Variants in MACROD2 observed in about 807,000 individuals in gnomAD.
The protein encoded by MACROD2 is ADP-ribose glycohydrolase MACROD2.
MACROD2 carries 36 observed loss-of-function variants against 70.4 expected under a neutral mutation model. The ratio of observed to expected loss-of-function variants is 0.51; its 90% confidence interval spans 0.39 to 0.68. MACROD2 has a LOEUF of 0.68. Ranked by LOEUF, MACROD2 falls within the 30% of genes least tolerant of loss-of-function variation. The pLI is 0.00. For missense variants in MACROD2, 496 were observed against 538.4 expected (o/e 0.92, Z 0.78); for synonymous variants, 172 against 178.8 (o/e 0.96, Z 0.30).
chr20:14,517,184 C>G (rs1301468734), intron 4 of MACROD2, among the ~76,000 whole-genome samples: 1 of 152,188 alleles, frequency 6.6e-6, no homozygotes, highest in South Asian at 2.1e-4. Context: ...AATCCCATTA[C>G]TGGGTATATA....
intron 6 of MACROD2, among the ~76,000 whole-genome samples, chr20:15,421,994 G>T (rs923169173): frequency 6.6e-6 from 1 of 152,228 alleles, no homozygotes; most frequent in Admixed American, 6.5e-5. Context: ...TTGGGAAATG[G>T]AGTATGCCAG....
intron 4 of MACROD2, among the ~76,000 whole-genome samples, chr20:14,542,099 T>C (rs889760080): frequency 2.6e-5 from 4 of 152,276 alleles, no homozygotes; most frequent in Non-Finnish European, 4.4e-5. Flanking sequence ...GAACGTCTGC[T>C]GACGCGAGAC....
chr20:15,511,677 G>C (rs1233765), intron 8 of MACROD2, among the ~76,000 whole-genome samples: 106,155 of 152,116 alleles, frequency 0.7, 37,122 homozygotes, highest in East Asian at 0.83. Flanking sequence ...TTGCCTGTTT[G>C]TAACCAGCAG....
intron 3 of MACROD2, among the ~76,000 whole-genome samples, chr20:14,139,678 A>G (rs189675831): frequency 1.3e-5 from 2 of 152,344 alleles, no homozygotes; most frequent in Admixed American, 1.3e-4. Flanking sequence ...ATATTTAATC[A>G]AATCTGTGAA....
chr20:14,918,284 C>CTAGTCCACCAACCAG (rs2074117888), intron 5 of MACROD2, among the ~76,000 whole-genome samples: 1 of 152,110 alleles, frequency 6.6e-6, no homozygotes, highest in Non-Finnish European at 1.5e-5. Context: ...AAAGGTTTTT[C>CTAGTCCACCAACCAG]ATGATGAGAA....
At chr20:15,648,677 T>G (rs553581281) in intron 8 of MACROD2, among the ~76,000 whole-genome samples, 2 of 152,230 alleles carry the variant, frequency 1.3e-5, no homozygotes, top group East Asian at 3.9e-4. Context: ...AAGGAGCAAA[T>G]AGATACATAG....
chr20:15,033,610 T>C (rs1032364080), intron 5 of MACROD2, among the ~76,000 whole-genome samples: 7 of 152,228 alleles, frequency 4.6e-5, no homozygotes, highest in African/African-American at 1.7e-4. Flanking sequence ...AGTGGTGTGA[T>C]GGTTTGTGCT....
chr20:14,709,163 C>A (rs963593326), intron 5 of MACROD2, among the ~76,000 whole-genome samples: 17 of 152,058 alleles, frequency 1.1e-4, no homozygotes, highest in African/African-American at 3.6e-4. Flanking sequence ...AAATGTAGCA[C>A]CTCAAAGCAT....
rs533273485 is a variant in MACROD2 at position 15,210,113 on chromosome 20, A to G, written c.419-19827A>G. Among the ~76,000 whole-genome samples, 13 of 152,310 alleles carry G rather than the reference A, an allele frequency of 8.5e-5. No homozygotes were observed. The South Asian group carries it at 2.7e-3, about 32-fold the overall frequency. Reference sequence around the variant, plus strand: ...CTCACTATTTATGAACTCCACGTACATTTTCACTGCTGTCAATTGACTAGT... The same window carrying G: ...CTCACTATTTATGAACTCCACGTACGTTTTCACTGCTGTCAATTGACTAGT... On this transcript the variant is annotated intron_variant, in intron 5 of 17. Coordinates refer to ENST00000684519, the MANE Select transcript of MACROD2 (RefSeq NM_001351661.2).
intron 15 of MACROD2, among the ~76,000 whole-genome samples, chr20:16,032,120 T>A (rs2067159402): frequency 6.6e-6 from 1 of 152,206 alleles, no homozygotes; most frequent in Non-Finnish European, 1.5e-5. Context: ...AACTTTATCT[T>A]TATTTCTATT....
Position 15,043,477 on chromosome 20 carries a change from C to T in MACROD2, c.419-186463C>T, listed in dbSNP as rs954557492. On this transcript the variant is annotated intron_variant, in intron 5 of 17. Transcript: ENST00000684519. ...TTGAGTTTTTTGCATGATGCCTCCACGCTGCACACCCACATTCTCTCTCTG... is the reference window on the plus strand; with the variant it reads ...TTGAGTTTTTTGCATGATGCCTCCATGCTGCACACCCACATTCTCTCTCTG... 4.6e-5 allele frequency among the ~76,000 whole-genome samples: 7 copies of T among 152,314 alleles called. No individual in the cohort carries two copies. The East Asian group carries it at 5.8e-4, about 13-fold the overall frequency.
At chr20:14,423,582 C>T (rs2083899084) in intron 3 of MACROD2, among the ~76,000 whole-genome samples, 1 of 150,788 alleles carries the variant, frequency 6.6e-6, no homozygotes, top group South Asian at 2.1e-4. Context: ...CCCCTGTAGT[C>T]CCAGCTACTC....
At chr20:15,087,609 A>G (rs2075758440) in intron 5 of MACROD2, among the ~76,000 whole-genome samples, 1 of 152,050 alleles carries the variant, frequency 6.6e-6, no homozygotes. Context: ...TGTAAAACAT[A>G]AAAGTAAAAC....
At chr20:16,001,332 A>G (rs1242523897) in intron 15 of MACROD2, among the ~76,000 whole-genome samples, 2 of 152,204 alleles carry the variant, frequency 1.3e-5, no homozygotes, top group East Asian at 1.9e-4. Context: ...TGAATGTTTC[A>G]CTACATTTAT....
At chr20:15,904,523 T>C (rs1009887743) in intron 10 of MACROD2, among the ~76,000 whole-genome samples, 2 of 151,804 alleles carry the variant, frequency 1.3e-5, no homozygotes, top group African/African-American at 2.4e-5. Flanking sequence ...TGCTTTTCAA[T>C]AAGAAACTTC....
At chr20:14,596,412 CATATAT>C (rs5840627) in intron 4 of MACROD2, among the ~76,000 whole-genome samples, 12 of 143,024 alleles carry the variant, frequency 8.4e-5, no homozygotes, top group South Asian at 4.3e-4. Context: ...ATTTTTTAAA[CATATAT>C]ATATATATAT....
chr20:16,039,499 T>G (rs1284280480), intron 15 of MACROD2, among the ~76,000 whole-genome samples: 2 of 151,986 alleles, frequency 1.3e-5, no homozygotes, highest in Admixed American at 6.6e-5. Flanking sequence ...TTTCCCTCAA[T>G]TTGTAGCTTT....
intron 3 of MACROD2, among the ~76,000 whole-genome samples, chr20:14,261,928 A>G (rs1206083431): frequency 6.6e-6 from 1 of 152,184 alleles, no homozygotes; most frequent in Non-Finnish European, 1.5e-5. Flanking sequence ...TGATAAGGAT[A>G]AAGATGCTAG....
intron 5 of MACROD2, among the ~76,000 whole-genome samples, chr20:14,953,302 T>TTTTA (rs1164871496): frequency 1.3e-5 from 2 of 152,084 alleles, no homozygotes; most frequent in African/African-American, 4.8e-5. Context: ...GTTTTTAATT[T>TTTTA]TTTATTTATT....
Sources: gnomAD v4.1 joint callset for allele counts (sites outside exome capture counted in the v4.1 genomes callset) on GRCh38, gnomAD v4.1.1 for gene constraint, MANE v1.5 for transcripts, NCBI Gene and HGNC (gene_info 2026-07-23, HGNC 2026-07-21) for gene names.